Variants in CDH13 observed in about 807,000 individuals in gnomAD.
The protein encoded by CDH13 is cadherin 13.
A neutral mutation model predicts 63.8 loss-of-function variants in CDH13; 24 were observed. The observed-to-expected ratio is 0.38, with a 90% CI of 0.27 to 0.53. CDH13 has a LOEUF of 0.53. CDH13 is among the 20% of genes least tolerant of loss of function. The pLI, the probability that CDH13 is intolerant of heterozygous loss-of-function variation, is 0.85. For synonymous variants in CDH13, 503 were observed against 355.3 expected (o/e 1.42, Z -4.67); for missense variants, 1,049 against 903.1 (o/e 1.16, Z -2.07).
intron 1 of CDH13, among the ~76,000 whole-genome samples, chr16:82,666,020 G>C (rs558768907): frequency 6.6e-6 from 1 of 152,292 alleles, no homozygotes; most frequent in South Asian, 2.1e-4. Flanking sequence ...GTCATTCTAA[G>C]TCAGGGAATA....
At chr16:82,645,705 AGCTGGG>A (rs1009490800) in intron 1 of CDH13, among the ~76,000 whole-genome samples, 28 of 152,290 alleles carry the variant, frequency 1.8e-4, no homozygotes, top group African/African-American at 6.5e-4. Flanking sequence ...TGGAATCTGA[AGCTGGG>A]GCTGTGAAAA....
chr16:83,776,952 G>C (rs940451885), intron 11 of CDH13, among the ~76,000 whole-genome samples: 1 of 73,604 alleles, frequency 1.4e-5, no homozygotes, highest in East Asian at 2.2e-4. Context: ...GGGCACTTCC[G>C]CCAAGCTGCA....
At chr16:83,518,460 T>TTTTTTGG (rs2074750905) in intron 7 of CDH13, among the ~76,000 whole-genome samples, 2 of 145,090 alleles carry the variant, frequency 1.4e-5, no homozygotes, top group South Asian at 4.5e-4. Context: ...GTGATGGGTT[T>TTTTTTGG]TTTTTTGTTT....
At chr16:83,493,188 A>G (rs1316551169) in intron 7 of CDH13, among the ~76,000 whole-genome samples, 1 of 152,256 alleles carries the variant, frequency 6.6e-6, no homozygotes, top group Non-Finnish European at 1.5e-5. Flanking sequence ...AGCACTCTGT[A>G]AATATTAGTT....
chr16:82,735,636 T>C (rs1208114427), intron 1 of CDH13, among the ~76,000 whole-genome samples: 1 of 152,178 alleles, frequency 6.6e-6, no homozygotes, highest in Non-Finnish European at 1.5e-5. Flanking sequence ...TTTGACACAG[T>C]GTCTATGAGC....
intron 3 of CDH13, among the ~76,000 whole-genome samples, chr16:83,108,873 G>A (rs577338299): frequency 1.3e-5 from 2 of 152,066 alleles, no homozygotes; most frequent in Non-Finnish European, 1.5e-5. Flanking sequence ...CAGCTCCCTT[G>A]CCCTTCCGAG....
At chr16:83,093,359 G>A (rs946292871) in intron 3 of CDH13, among the ~76,000 whole-genome samples, 3 of 127,750 alleles carry the variant, frequency 2.3e-5, no homozygotes, top group Non-Finnish European at 3.2e-5. Flanking sequence ...CTTTTGCCCC[G>A]GCTGGAGTGC....
chr16:83,595,668 A>G (rs1473198004), intron 7 of CDH13, among the ~76,000 whole-genome samples: 4 of 152,220 alleles, frequency 2.6e-5, no homozygotes, highest in African/African-American at 9.7e-5. Flanking sequence ...TGGGAGGTTT[A>G]AGAACCACAC....
intron 3 of CDH13, among the ~76,000 whole-genome samples, chr16:83,060,002 G>A (rs762853157): frequency 8.6e-5 from 13 of 151,840 alleles, no homozygotes; most frequent in Non-Finnish European, 1.8e-4. Flanking sequence ...CACCGTGTTA[G>A]CCAGGGTGGT....
intron 2 of CDH13, among the ~76,000 whole-genome samples, chr16:82,891,693 C>A (rs528849038): frequency 6.6e-6 from 1 of 152,082 alleles, no homozygotes; most frequent in Non-Finnish European, 1.5e-5. Flanking sequence ...ATTGAGCAGA[C>A]CATAGGTTAT....
intron 4 of CDH13, among the ~76,000 whole-genome samples, chr16:83,146,542 A>G (rs891060057): frequency 3.3e-5 from 5 of 152,232 alleles, no homozygotes; most frequent in Non-Finnish European, 7.3e-5. Flanking sequence ...AGCTAACTAT[A>G]TCTGTCATTT....
chr16:83,278,166 T>C (rs951645022), intron 5 of CDH13, among the ~76,000 whole-genome samples: 1 of 152,188 alleles, frequency 6.6e-6, no homozygotes, highest in Non-Finnish European at 1.5e-5. Context: ...TTTGCAGTTA[T>C]TCAATTTTAA....
chr16:83,039,079 C>T (rs1006128612), intron 3 of CDH13, among the ~76,000 whole-genome samples: 1 of 152,200 alleles, frequency 6.6e-6, no homozygotes, highest in Non-Finnish European at 1.5e-5. Context: ...GGCAGCTGGT[C>T]CTTATGAACA....
intron 2 of CDH13, among the ~76,000 whole-genome samples, chr16:82,881,137 A>G (rs912688612): frequency 3.3e-5 from 5 of 152,162 alleles, no homozygotes; most frequent in African/African-American, 9.7e-5. Context: ...GAAAAGGCAT[A>G]TAGCAAAGGG....
intron 2 of CDH13, among the ~76,000 whole-genome samples, chr16:82,888,453 C>A: frequency 6.6e-6 from 1 of 152,218 alleles, no homozygotes; most frequent in East Asian, 1.9e-4. Flanking sequence ...ATGGCAAGTA[C>A]AGGGCAAATG....
At chr16:82,632,713 G>T (rs1289464115) in intron 1 of CDH13, among the ~76,000 whole-genome samples, 1 of 71,464 alleles carries the variant, frequency 1.4e-5, no homozygotes, top group African/African-American at 3.3e-5. Flanking sequence ...GAATTGGGGG[G>T]ATGGTTTTGG....
In CDH13 at chr16:82,730,563, A is replaced by T. The variant is rs200801967; in HGVS notation, c.45+103426A>T. ...CATCAAAGATCACTGATCACAGATC[A>T]CCATGACAGATATCATAATAATTTG... On this transcript the variant is annotated intron_variant, in intron 1 of 13. Coordinates refer to ENST00000567109, the MANE Select transcript of CDH13 (RefSeq NM_001257.5). Among the ~76,000 whole-genome samples the T allele has an allele frequency of 5.3e-5, 8 of 152,342 alleles. No individual in the cohort carries two copies. In the East Asian group the frequency reaches 1.5e-3, roughly 29 times the overall value.
chr16:83,229,516 G>T (rs531913548), intron 5 of CDH13, among the ~76,000 whole-genome samples: 3 of 151,846 alleles, frequency 2.0e-5, no homozygotes, highest in East Asian at 1.9e-4. Flanking sequence ...TTCTACGGGG[G>T]TTTATCAGTG....
intron 10 of CDH13, chr16:83,735,938 A>T (rs925828046): frequency 1.3e-5 from 2 of 152,174 alleles, no homozygotes; most frequent in Non-Finnish European, 2.9e-5. Context: ...CAGGGAAAAA[A>T]GGGATAAAAC....
Sources: allele counts gnomAD v4.1 joint callset (sites outside exome capture counted in the v4.1 genomes callset), GRCh38; gene constraint gnomAD v4.1.1; transcripts MANE v1.5; gene names NCBI Gene and HGNC (gene_info 2026-07-23, HGNC 2026-07-21).